Variants in PRKACA observed in about 807,000 individuals in gnomAD.
PRKACA encodes the protein protein kinase cAMP-activated catalytic subunit alpha.
Under a neutral mutation model 45.8 loss-of-function variants are expected in PRKACA, and 9 were observed. That is an observed-to-expected ratio of 0.20 (90% CI 0.12 to 0.34). The LOEUF (loss-of-function observed/expected upper bound fraction) is 0.34, where lower values mean the gene tolerates loss of function less well. PRKACA is among the 10% of genes least tolerant of loss of function. PRKACA has a pLI of 1.00. For missense variants in PRKACA, 238 were observed against 458.6 expected (o/e 0.52, Z 4.39); for synonymous variants, 160 against 178.6 (o/e 0.90, Z 0.83).
Position 14,092,741 on chromosome 19 carries a change from G to C in PRKACA, c.*371C>G. The C allele has an allele frequency of 1.5e-5, 6 of 409,844 alleles. No homozygotes were observed. Among genetic ancestry groups the C allele is most frequent in the Non-Finnish European group, 2.2e-5 (5 of 231,402 alleles). The allele number at this position is 409,844 out of a possible 1,614,324, so 25.4% of individuals were successfully genotyped here. A position where few individuals can be genotyped will look rare whatever the true frequency, so the allele number is the denominator to read the frequency against. On this transcript the variant is annotated 3_prime_UTR_variant, in exon 10 of 10. Coordinates refer to ENST00000308677, the MANE Select transcript of PRKACA (RefSeq NM_002730.4). Reference sequence around the variant, plus strand: ...GTGTGGGTGGGGGCTGGAGTTAAGCGTGAGCCCCTCTTTCCATACCCTGTC... The same window carrying C: ...GTGTGGGTGGGGGCTGGAGTTAAGCCTGAGCCCCTCTTTCCATACCCTGTC...
At chr19:14,093,855 CTTCT>C in intron 8 of PRKACA, 63 bp from the exon 9 acceptor site, 3 of 1,499,382 alleles carry the variant, frequency 2.0e-6, no homozygotes, top group Non-Finnish European at 2.7e-6. Context: ...GCCCATGATG[CTTCT>C]TTCTCCATCC....
chr19:14,106,716 A>C, intron 3 of PRKACA, 44 bp downstream of exon 3: 1 of 1,612,542 alleles, frequency 6.2e-7, no homozygotes. Context: ...CAGTCCAGGC[A>C]AAGGCCTGAC....
chr19:14,100,862 T>A lies in PRKACA; in HGVS notation c.383A>T (p.Glu128Val), dbSNP rs1365553378. The A allele has an allele frequency of 6.2e-7, 1 of 1,613,918 alleles. No homozygotes were observed. The highest frequency in any genetic ancestry group is 8.5e-7 in the Non-Finnish European group (1 of 1,179,958). Residue 128 changes from glutamate to valine, a missense_variant, in exon 5 of 10, where the codon GAG becomes GTG. Glu to Val is a moderately radical substitution (Grantham distance 121, BLOSUM62 -2). Transcript: ENST00000308677. ...YMVMEYVPGG[E>V]MFSHLRRIGR... ...GATCCGCCGTAGGTGTGAGAACATCTCCCCGCCGGGCACGTACTCCATGAC... is the reference window on the plus strand; with the variant it reads ...GATCCGCCGTAGGTGTGAGAACATCACCCCGCCGGGCACGTACTCCATGAC...
intron 1 of PRKACA, among the ~76,000 whole-genome samples, chr19:14,111,511 T>C (rs1286667293): frequency 1.3e-5 from 2 of 152,152 alleles, no homozygotes; most frequent in East Asian, 1.9e-4. Context: ...CCAGGAGTCC[T>C]AGATGGGTGC....
At position 14,097,234 on chromosome 19, in the gene PRKACA, C is replaced by A. The variant is rs768096099; in HGVS notation, c.765+127G>T. ...AGTGTGGCCGGCGCGTCCAGCTTCA[C>A]CACCTGGCCTGACTTAAGGAACTTC... On this transcript the variant is annotated intron_variant, in intron 8 of 9. Coordinates refer to ENST00000308677, the MANE Select transcript of PRKACA (RefSeq NM_002730.4). The surrounding 1 kb of genome is among the most constrained non-coding windows in gnomAD (Gnocchi z 5.4). 4.8e-6 allele frequency: 7 copies of A among 1,471,810 alleles called. No individual in the cohort carries two copies. In the Admixed American group the frequency reaches 1.3e-4, roughly 26 times the overall value. The allele number at this position is 1,471,810 out of a possible 1,614,324, so 91.2% of individuals were successfully genotyped here.
chr19:14,093,249 T>C lies in PRKACA; in HGVS notation c.931-12A>G. 1.9e-6 allele frequency: 3 copies of C among 1,610,282 alleles called. No individual in the cohort carries two copies. Among genetic ancestry groups the C allele is most frequent in the Non-Finnish European group, 2.5e-6 (3 of 1,178,706 alleles). On this transcript the variant is annotated splice_polypyrimidine_tract_variant and intron_variant, in intron 9 of 9. Coordinates refer to ENST00000308677, the MANE Select transcript of PRKACA (RefSeq NM_002730.4). ...AAGGGAGCTTCCACCTGGAGAGGGATCAAGAATCACCCAGACCTCAGCATT... is the reference window on the plus strand; with the variant it reads ...AAGGGAGCTTCCACCTGGAGAGGGACCAAGAATCACCCAGACCTCAGCATT...
At chr19:14,117,022 G>A (rs1967121513) in intron 1 of PRKACA, among the ~76,000 whole-genome samples, 1 of 151,814 alleles carries the variant, frequency 6.6e-6, no homozygotes, top group Non-Finnish European at 1.5e-5. Flanking sequence ...GGGGGCTGGA[G>A]GGGGGAGGGG....
intron 8 of PRKACA, among the ~76,000 whole-genome samples, chr19:14,094,185 G>GGA (rs1977178621): frequency 1.7e-5 from 1 of 58,916 alleles, no homozygotes; most frequent in Non-Finnish European, 3.2e-5. Context: ...TTCTTTTTTT[G>GGA]AAAAAAAAAA....
chr19:14,093,041 A>AGGGCCCCC lies in PRKACA; in HGVS notation c.*70_*71insGGGGGCCC. ...CTGGGGCCCTCTGGCTGTTCAATCC[A>AGGGCCCCC]ACCCTCCCACCCCCCCGACCAAAAA... On this transcript the variant is annotated 3_prime_UTR_variant, in exon 10 of 10. Transcript: ENST00000308677. The AGGGCCCCC allele has an allele frequency of 6.0e-6, 3 of 500,018 alleles. No individual in the cohort carries two copies. Among genetic ancestry groups the AGGGCCCCC allele is most frequent in the Non-Finnish European group, 7.2e-6 (2 of 278,312 alleles). The allele number at this position is 500,018 out of a possible 1,614,324, so 31.0% of individuals were successfully genotyped here.
intron 1 of PRKACA, chr19:14,107,939 C>T (rs367744279): frequency 4.1e-6 from 4 of 986,808 alleles, no homozygotes; most frequent in Admixed American, 6.0e-5. Flanking sequence ...AGGGAAGTCT[C>T]GCCCGATGCC....
rs1977287200 is a variant in PRKACA, at chr19:14,097,284, G to C, written c.765+77C>G. 6.2e-7 allele frequency: 1 copy of C among 1,601,122 alleles called. No individual in the cohort carries two copies. The highest frequency in any genetic ancestry group is 1.7e-5 in the Admixed American group (1 of 59,920). ...CTAGATTATTCTGACAACAAGCAGG[G>C]CTCCCCAGGGAATAGGATGGGTGAG... On this transcript the variant is annotated intron_variant, in intron 8 of 9. Coordinates refer to ENST00000308677, the MANE Select transcript of PRKACA (RefSeq NM_002730.4). This position sits in a 1 kb window ranked among gnomAD's most constrained non-coding sequence, Gnocchi z 5.4.
chr19:14,102,889 T>G lies in PRKACA; in HGVS notation c.263A>C (p.His88Pro). ...CAGGATGCGCTTTTCATTCAGGGTGTGTTCGATCTGTTTCAGTTTCACCAC... is the reference window on the plus strand; with the variant it reads ...CAGGATGCGCTTTTCATTCAGGGTGGGTTCGATCTGTTTCAGTTTCACCAC... ...QKVVKLKQIE[H>P]TLNEKRILQA... Residue 88 changes from histidine (H) to proline (P), a missense_variant, in exon 4 of 10, where the codon CAC becomes CCC. Physicochemically the swap from His to Pro is moderately conservative, Grantham distance 77 (BLOSUM62 -2). Around this residue, in one of 3 missense-constraint regions of PRKACA, gnomAD observed 93 missense variants for 149.1 expected, o/e 0.62. Coordinates refer to ENST00000308677, the MANE Select transcript of PRKACA (RefSeq NM_002730.4). The G allele has an allele frequency of 6.2e-7, 1 of 1,613,862 alleles. No homozygotes were observed. Among genetic ancestry groups the G allele is most frequent in the East Asian group, 2.2e-5 (1 of 44,870 alleles).
At chr19:14,095,058 G>A (rs1024598995) in intron 8 of PRKACA, among the ~76,000 whole-genome samples, 4 of 152,256 alleles carry the variant, frequency 2.6e-5, no homozygotes, top group South Asian at 4.1e-4. Flanking sequence ...CACTGACGGT[G>A]CGGGGGAACT....
In PRKACA at chr19:14,102,168, A is replaced by G. The variant is rs367546337; in HGVS notation, c.336+648T>C. 2.6e-5 allele frequency among the ~76,000 whole-genome samples: 4 copies of G among 151,252 alleles called. No homozygotes were observed. In the East Asian group the frequency reaches 7.8e-4, roughly 29 times the overall value. On this transcript the variant is annotated intron_variant, in intron 4 of 9. Transcript: ENST00000308677. ...AACAGAGTGAGACTCTGTCTCAACA[A>G]AAAAAAATTATTACGGATCTCAAGA...
chr19:14,115,602 A>T (rs1967089764), intron 1 of PRKACA, among the ~76,000 whole-genome samples: 1 of 152,150 alleles, frequency 6.6e-6, no homozygotes, highest in African/African-American at 2.4e-5. Context: ...ATGCCCAATA[A>T]ATAGTAGCTC....
At chr19:14,110,215 G>A (rs890781530) in intron 1 of PRKACA, among the ~76,000 whole-genome samples, 2 of 151,492 alleles carry the variant, frequency 1.3e-5, no homozygotes, top group Non-Finnish European at 2.9e-5. Flanking sequence ...CTAAGCAGGA[G>A]GCTGAGGCAG....
At position 14,106,839 on chromosome 19, in the gene PRKACA, C is replaced by T; in HGVS notation, c.158G>A (p.Gly53Asp). 1 of 1,614,172 alleles carries T rather than the reference C, an allele frequency of 6.2e-7. No individual in the cohort carries two copies. Among genetic ancestry groups the T allele is most frequent in the Non-Finnish European group, 8.5e-7 (1 of 1,180,022 alleles). ...QFERIKTLGT[G>D]SFGRVMLVKH... The stretch of plus-strand genomic sequence containing the variant: ...CACCAGCATCACCCGCCCGAAGGAG[C>T]CCGTGCCGAGGGTCTTGATTCGTTC... The change falls in exon 3 of 10, where the codon GGC (glycine) becomes GAC (aspartate). Residue 53 changes from glycine to aspartate, a missense_variant. Physicochemically the swap from Gly to Asp is moderately conservative, Grantham distance 94. This residue lies in a region of PRKACA where 93 missense variants were observed against 149.1 expected (regional missense o/e 0.62). Coordinates refer to ENST00000308677, the MANE Select transcript of PRKACA (RefSeq NM_002730.4).
chr19:14,095,655 T>G (rs550164676), intron 8 of PRKACA, among the ~76,000 whole-genome samples: 1 of 151,350 alleles, frequency 6.6e-6, no homozygotes, highest in East Asian at 1.9e-4. Flanking sequence ...GTAGCTGGGA[T>G]TACAGGCACC....
chr19:14,115,879 C>G lies in PRKACA; in HGVS notation c.46+1623G>C, dbSNP rs1172730147. Among the ~76,000 whole-genome samples, 6 of 152,074 alleles carry G rather than the reference C, an allele frequency of 3.9e-5. 1 individual carries two copies. The highest frequency in any genetic ancestry group is 3.9e-4 in the East Asian group (2 of 5,194). On this transcript the variant is annotated intron_variant, in intron 1 of 9. Coordinates refer to ENST00000308677, the MANE Select transcript of PRKACA (RefSeq NM_002730.4). Reference sequence around the variant, plus strand: ...TGCTGGGGGCCTGACTCCTCCCCCCCCGGCCAAGTCCCCTCCAAGCTCATG... The same window carrying G: ...TGCTGGGGGCCTGACTCCTCCCCCCGCGGCCAAGTCCCCTCCAAGCTCATG...
Sources: allele counts gnomAD v4.1 joint callset (sites outside exome capture counted in the v4.1 genomes callset), GRCh38; gene constraint gnomAD v4.1.1; regional missense constraint gnomAD v4.1.1; non-coding constraint Gnocchi (gnomAD v3.1); transcripts MANE v1.5; gene names NCBI Gene and HGNC (gene_info 2026-07-23, HGNC 2026-07-21).